Variants in MACF1 observed in about 807,000 individuals in gnomAD.
MACF1 encodes microtubule actin crosslinking factor 1.
Under a neutral mutation model 854.8 loss-of-function variants are expected in MACF1, and 193 were observed. That is an observed-to-expected ratio of 0.23 (90% CI 0.20 to 0.25). The LOEUF is 0.25. Among genes scored for constraint, MACF1 ranks in the 10% least tolerant of loss-of-function variants. The pLI is 1.00. For missense variants in MACF1, 7,722 were observed against 8,929.1 expected, an observed-to-expected ratio of 0.86 and a Z score of 5.45; for synonymous variants, 3,185 against 3,226.7, an observed-to-expected ratio of 0.99 and a Z score of 0.44.
chr1:39,433,878 G>A (rs553867315), intron 68 of MACF1, among the ~76,000 whole-genome samples: 12 of 152,206 alleles, frequency 7.9e-5, no homozygotes, highest in Admixed American at 5.9e-4. Context: ...TCAGGAGTTC[G>A]AGACCAGCCT....
intron 100 of MACF1, 113 bp from the exon 101 acceptor site, chr1:39,485,425 A>G (rs1193342171): frequency 1.5e-5 from 18 of 1,235,800 alleles, no homozygotes; most frequent in Non-Finnish European, 1.9e-5. Flanking sequence ...GGGTGCAGAA[A>G]GGCTGTGAGA....
Position 39,485,757 on chromosome 1 carries a change from C to G in MACF1, c.22631C>G (p.Thr7544Ser). The change falls in exon 101 of 101, where the codon ACC (threonine) becomes AGC (serine). Residue 7544 changes from threonine to serine, a missense_variant. By Grantham distance (58) the Thr-to-Ser change is moderately conservative. Coordinates refer to ENST00000564288, the MANE Select transcript of MACF1 (RefSeq NM_001394062.1). Reference protein sequence around the residue: ...SKIPTMSKKTTTASPRTPGPK... With the variant: ...SKIPTMSKKTSTASPRTPGPK... The stretch of plus-strand genomic sequence containing the variant: ...ATCCCAACCATGTCTAAGAAGACCA[C>G]CACTGCCTCCCCCAGGACTCCAGGT... The G allele has an allele frequency of 2.5e-6, 4 of 1,611,386 alleles. No individual in the cohort carries two copies. Among genetic ancestry groups the G allele is most frequent in the Non-Finnish European group, 1.7e-6 (2 of 1,178,008 alleles).
intron 58 of MACF1, among the ~76,000 whole-genome samples, chr1:39,404,126 C>CA (rs1285409231): frequency 2.1e-5 from 3 of 143,576 alleles, no homozygotes; most frequent in Admixed American, 6.9e-5. Flanking sequence ...GACTCTGCCT[C>CA]AAAAAAATAA....
chr1:39,261,017 C>A (rs1645157989), intron 6 of MACF1, among the ~76,000 whole-genome samples: 1 of 152,108 alleles, frequency 6.6e-6, no homozygotes, highest in Non-Finnish European at 1.5e-5. Context: ...TAATTTCTCT[C>A]TATTGTTGTT....
At chr1:39,296,541 C>G (rs1361720504) in intron 20 of MACF1, among the ~76,000 whole-genome samples, 4 of 151,616 alleles carry the variant, frequency 2.6e-5, no homozygotes, top group Non-Finnish European at 5.9e-5. Context: ...ACCAGCCTGG[C>G]CAACATGGTG....
intron 89 of MACF1, chr1:39,457,548 C>T (rs1644465600): frequency 6.6e-6 from 1 of 152,352 alleles, no homozygotes; most frequent in South Asian, 2.1e-4. Context: ...TTACCTGGAT[C>T]GAAATCCTTC....
chr1:39,242,390 T>G (rs1179057081), intron 2 of MACF1, among the ~76,000 whole-genome samples: 2 of 151,144 alleles, frequency 1.3e-5, no homozygotes, highest in Non-Finnish European at 2.9e-5. Flanking sequence ...CTCCTTGACT[T>G]ATTAATGCTT....
chr1:39,469,313 A>G (rs1644730910), intron 96 of MACF1, among the ~76,000 whole-genome samples: 1 of 152,204 alleles, frequency 6.6e-6, no homozygotes, highest in Admixed American at 6.5e-5. Flanking sequence ...ATTTAATATG[A>G]GCATGAGTGG....
At chr1:39,355,956 C>T (rs1400602899) in intron 44 of MACF1, among the ~76,000 whole-genome samples, 1 of 152,108 alleles carries the variant, frequency 6.6e-6, no homozygotes, top group Non-Finnish European at 1.5e-5. Flanking sequence ...GCATCAGCCT[C>T]CTAGTCACTC....
Position 39,335,138 on chromosome 1 carries a change from G to A in MACF1, c.8550G>A (p.Lys2850=), listed in dbSNP as rs61783380. The A allele has an allele frequency of 1.2e-6, 2 of 1,614,128 alleles. No individual in the cohort carries two copies. Among genetic ancestry groups the A allele is most frequent in the Non-Finnish European group, 1.7e-6 (2 of 1,180,014 alleles). ...TTTCCTTAAAGGAATTTGGGTGCAA[G>A]GATCAACGTAAGCCAAGAATGTCTT... ...REISLKEFGC[K]DQRKPRMSSD... Residue 2850 remains lysine (K), a synonymous_variant, in exon 37 of 101, where the codon AAG becomes AAA. Coordinates refer to ENST00000564288, the MANE Select transcript of MACF1 (RefSeq NM_001394062.1).
At chr1:39,287,237 C>G in intron 14 of MACF1, 49 bp from the exon 15 acceptor site, 1 of 1,560,584 alleles carries the variant, frequency 6.4e-7, no homozygotes, top group Non-Finnish European at 8.7e-7. Flanking sequence ...TTTTTAAAAA[C>G]TATACTATAG....
Position 39,086,941 on chromosome 1 carries a change from T to G in MACF1, c.220+2503T>G, listed in dbSNP as rs571886470. Among the ~76,000 whole-genome samples the G allele has an allele frequency of 3.9e-5, 6 of 152,266 alleles. No homozygotes were observed. In the East Asian group the frequency reaches 1.2e-3, roughly 29 times the overall value. ...GAGACTGCCATGGTTAAAAATAACT[T>G]GTGCACTGCAGTTGGGCGTGTTTCT... On this transcript the variant is annotated intron_variant, in intron 2 of 93. Coordinates refer to the MACF1 transcript ENST00000361689.
At chr1:39,446,968 T>C (rs1644243514) in intron 80 of MACF1, among the ~76,000 whole-genome samples, 1 of 152,228 alleles carries the variant, frequency 6.6e-6, no homozygotes, top group African/African-American at 2.4e-5. Context: ...TCTGAAAACA[T>C]GTATTTAAAC....
chr1:39,174,051 G>A (rs906466022), intron 2 of MACF1, among the ~76,000 whole-genome samples: 13 of 152,006 alleles, frequency 8.6e-5, no homozygotes, highest in Non-Finnish European at 1.6e-4. Flanking sequence ...GTGCTTTACC[G>A]CACATTTGTG....
chr1:39,137,062 T>A (rs79972851), intron 2 of MACF1, among the ~76,000 whole-genome samples: 3,509 of 152,296 alleles, frequency 0.023, 80 homozygotes, highest in East Asian at 0.13. Context: ...GTTATTTTTT[T>A]AATTTAATTT....
intron 86 of MACF1, 162 bp downstream of exon 86, chr1:39,452,512 A>G: frequency 8.8e-7 from 1 of 1,137,754 alleles, no homozygotes; most frequent in Non-Finnish European, 1.3e-6. Flanking sequence ...ATTTTGAGAA[A>G]TAATGAATTC....
intron 60 of MACF1, 101 bp from the exon 61 acceptor site, chr1:39,423,927 C>G: frequency 9.8e-7 from 1 of 1,021,806 alleles, no homozygotes; most frequent in Non-Finnish European, 1.4e-6. Flanking sequence ...CTCAATGAAG[C>G]TTAGGATTTG....
chr1:39,336,184 T>A lies in MACF1; in HGVS notation c.9596T>A (p.Val3199Asp). 6.2e-7 allele frequency: 1 copy of A among 1,614,086 alleles called. No homozygotes were observed. The highest frequency in any genetic ancestry group is 8.5e-7 in the Non-Finnish European group (1 of 1,179,994). The change falls in exon 37 of 101, where the codon GTC (valine) becomes GAC (aspartate). Residue 3199 changes from valine to aspartate, a missense_variant. Around this residue, in one of 15 missense-constraint regions of MACF1, gnomAD observed 854 missense variants for 852.6 expected, o/e 1.00. Transcript: ENST00000564288. ...ITVSRPDSKE[V>D]RYLEFSDRKD... ...GTTTCTAGACCAGATTCAAAAGAAG[T>A]CAGGTATCTAGAATTCTCAGACAGA...
At chr1:39,429,106 G>A in intron 63 of MACF1, 136 bp from the exon 64 acceptor site, 2 of 555,156 alleles carry the variant, frequency 3.6e-6, no homozygotes. Context: ...AGGAGAAGAT[G>A]AGGGGATCAA....
Sources: allele counts gnomAD v4.1 joint callset (sites outside exome capture counted in the v4.1 genomes callset), GRCh38; gene constraint gnomAD v4.1.1; regional missense constraint gnomAD v4.1.1; transcripts MANE v1.5; gene names NCBI Gene and HGNC (gene_info 2026-07-23, HGNC 2026-07-21).